Variants in MCM3 observed in about 807,000 individuals in gnomAD.
The protein encoded by MCM3 is minichromosome maintenance complex component 3, also known as DNA replication licensing factor MCM3.
A neutral mutation model predicts 91.3 loss-of-function variants in MCM3; 59 were observed. The ratio of observed to expected loss-of-function variants is 0.65; its 90% CI spans 0.52 to 0.80. The LOEUF (loss-of-function observed/expected upper bound fraction) is 0.80. MCM3 is among the 30% of genes least tolerant of loss of function. The probability of loss-of-function intolerance (pLI) is 0.00; values close to 1 mark genes in which losing one functional copy is unlikely to be tolerated. For missense variants in MCM3, 919 were observed against 1,035.4 expected (o/e 0.89, Z 1.54); for synonymous variants, 383 against 379.6 (o/e 1.01, Z -0.10).
At chr6:52,272,193 G>A (rs2294831) in intron 12 of MCM3, 108 bp downstream of exon 12, 90,476 of 1,228,132 alleles carry the variant, frequency 0.074, 3,905 homozygotes, top group East Asian at 0.17. Context: ...CTTCAGACCA[G>A]GAAAAAAGTC....
Position 52,264,397 on chromosome 6 carries a change from C to A in MCM3, c.*191G>T. 1.7e-6 allele frequency: 1 copy of A among 592,364 alleles called. No homozygotes were observed. Among genetic ancestry groups the A allele is most frequent in the Non-Finnish European group, 3.0e-6 (1 of 334,370 alleles). The allele number at this position is 592,364 out of a possible 1,614,324, so 36.7% of individuals were successfully genotyped here. A position where few individuals can be genotyped will look rare whatever the true frequency, so the allele number is the denominator to read the frequency against. ...CCCACTGTCTCCTCTTTCCTCACCC[C>A]ATGGCAGCTTTCATGACCCATTCCC... On this transcript the variant is annotated 3_prime_UTR_variant, in exon 17 of 17. Transcript: ENST00000596288.
chr6:52,275,809 TAAAAA>T, intron 9 of MCM3, among the ~76,000 whole-genome samples: 1 of 152,378 alleles, frequency 6.6e-6, no homozygotes, highest in East Asian at 1.9e-4. Context: ...ACAGTCATGG[TAAAAA>T]CAGAGATAAT....
intron 9 of MCM3, among the ~76,000 whole-genome samples, chr6:52,274,529 G>T (rs1765401329): frequency 6.6e-6 from 1 of 150,892 alleles, no homozygotes; most frequent in African/African-American, 2.4e-5. Flanking sequence ...AACTTAAAAA[G>T]AAAAAAAAAT....
chr6:52,282,237 C>G (rs1766169548), intron 3 of MCM3, 62 bp from the exon 4 acceptor site: 3 of 1,463,206 alleles, frequency 2.1e-6, no homozygotes, highest in Non-Finnish European at 2.9e-6. Flanking sequence ...AGGTGGAACC[C>G]AAACATATGC....
intron 14 of MCM3, among the ~76,000 whole-genome samples, chr6:52,266,927 T>A (rs527419826): frequency 1.3e-5 from 2 of 152,238 alleles, no homozygotes; most frequent in African/African-American, 2.4e-5. Flanking sequence ...TCACTCACCC[T>A]TATAAATTCA....
chr6:52,276,011 G>A (rs764090145), intron 9 of MCM3: 31 of 424,696 alleles, frequency 7.3e-5, no homozygotes, highest in Non-Finnish European at 1.1e-4. Context: ...TTTAATGGAC[G>A]GTTAAATATG....
intron 1 of MCM3, among the ~76,000 whole-genome samples, chr6:52,284,367 C>G (rs953789576): frequency 6.6e-6 from 1 of 152,192 alleles, no homozygotes. Flanking sequence ...TTTGCGCGCC[C>G]GGACCATCGC....
intron 12 of MCM3, among the ~76,000 whole-genome samples, chr6:52,271,282 T>C (rs1047010157): frequency 6.6e-6 from 1 of 152,064 alleles, no homozygotes; most frequent in African/African-American, 2.4e-5. Flanking sequence ...TGTAACATAA[T>C]AAGAGTTCTG....
chr6:52,279,240 G>A, intron 5 of MCM3, 121 bp downstream of exon 5: 1 of 793,838 alleles, frequency 1.3e-6, no homozygotes. Flanking sequence ...TGTCTCCCAG[G>A]CAGGTAGAGT....
rs758794994 is a variant in MCM3 at position 52,277,202 on chromosome 6, T to C, written c.1034-4A>G. On this transcript the variant is annotated splice_polypyrimidine_tract_variant and splice_region_variant and intron_variant, in intron 7 of 16. Coordinates refer to ENST00000596288, the MANE Select transcript of MCM3 (RefSeq NM_002388.6). ...GACTTGGCAACGGATGGGTCTCCTG[T>C]AGGGTGGGGGCAGTGATGACTCTCT... 2 of 1,611,948 alleles carry C rather than the reference T, an allele frequency of 1.2e-6. No homozygotes were observed. The highest frequency in any genetic ancestry group is 3.3e-5 in the Admixed American group (2 of 59,996).
chr6:52,267,096 C>CTTTTTTTTTTTT lies in MCM3; in HGVS notation c.2073-412_2073-401dup, dbSNP rs70977337. Among the ~76,000 whole-genome samples, 483 of 111,526 alleles carry CTTTTTTTTTTTT rather than the reference C, an allele frequency of 4.3e-3. 24 individuals are homozygous for CTTTTTTTTTTTT. Among genetic ancestry groups the CTTTTTTTTTTTT allele is most frequent in the African/African-American group, 8.4e-3 (248 of 29,700 alleles). The allele number at this position is 111,526 out of a possible 152,430, so 73.2% of individuals were successfully genotyped here. A position where few individuals can be genotyped will look rare whatever the true frequency, so the allele number is the denominator to read the frequency against. On this transcript the variant is annotated intron_variant, in intron 14 of 16. Transcript: ENST00000596288. ...CCTTCTCTTTTACCCAGGGTATCTT[C>CTTTTTTTTTTTT]TTTTTTTTTTTTTTTTGAGACGGAC...
At position 52,264,691 on chromosome 6, in the gene MCM3, TC is replaced by T; in HGVS notation, c.2323del (p.Asp775ThrfsTer15). ...MNRLTESINR[D>X]SEEPFSSVEI... ...AACTGAAGAGAAGGGCTCTTCGCTG[TC>T]CCGGTTGATGGATTCTGTGAGGCGA... On this transcript the variant is annotated frameshift_variant, in exon 17 of 17. Coordinates refer to ENST00000596288, the MANE Select transcript of MCM3 (RefSeq NM_002388.6). LOFTEE classifies it high-confidence loss of function. 1 of 1,614,176 alleles carries T rather than the reference TC, an allele frequency of 6.2e-7. No homozygotes were observed. Among genetic ancestry groups the T allele is most frequent in the Non-Finnish European group, 8.5e-7 (1 of 1,180,018 alleles).
intron 13 of MCM3, 150 bp from the exon 14 acceptor site, chr6:52,268,118 A>G: frequency 9.7e-7 from 1 of 1,027,764 alleles, no homozygotes; most frequent in Non-Finnish European, 1.5e-6. Flanking sequence ...AAGTCCCAGG[A>G]CCAGGGGCAG....
At chr6:52,280,722 A>C (rs1766016118) in intron 4 of MCM3, among the ~76,000 whole-genome samples, 1 of 152,244 alleles carries the variant, frequency 6.6e-6, no homozygotes, top group Admixed American at 6.5e-5. Flanking sequence ...AAAAAAGTGG[A>C]GATCTTAAGG....
chr6:52,267,340 C>T (rs1347708420), intron 14 of MCM3, among the ~76,000 whole-genome samples: 2 of 152,000 alleles, frequency 1.3e-5, no homozygotes, highest in African/African-American at 4.8e-5. Context: ...TCGTGATCCG[C>T]CTGCCTCGGC....
At position 52,264,565 on chromosome 6, in the gene MCM3, C is replaced by T; in HGVS notation, c.*23G>A. The T allele has an allele frequency of 6.2e-7, 1 of 1,613,448 alleles. No individual in the cohort carries two copies. The highest frequency in any genetic ancestry group is 8.5e-7 in the Non-Finnish European group (1 of 1,179,526). ...ACAGAACAAACTCTCTCGGCACAACCCAAGTTCAGAGACGAGGCCTCCTCA... is the reference window on the plus strand; with the variant it reads ...ACAGAACAAACTCTCTCGGCACAACTCAAGTTCAGAGACGAGGCCTCCTCA... On this transcript the variant is annotated 3_prime_UTR_variant, in exon 17 of 17. Coordinates refer to ENST00000596288, the MANE Select transcript of MCM3 (RefSeq NM_002388.6).
intron 4 of MCM3, 115 bp downstream of exon 4, chr6:52,281,930 C>T (rs1766133509): frequency 2.9e-6 from 3 of 1,048,162 alleles, no homozygotes; most frequent in Non-Finnish European, 4.0e-6. Flanking sequence ...TGGATTAATC[C>T]TTATTTTTCA....
rs181243640 is a variant in MCM3 at position 52,278,962 on chromosome 6, T to C, written c.771-112A>G. 5.4e-5 allele frequency: 36 copies of C among 668,788 alleles called. No individual in the cohort carries two copies. The Admixed American group carries it at 6.5e-4, about 12-fold the overall frequency. 41.4% of individuals were successfully genotyped at this position (668,788 alleles called of 1,614,324 possible). On this transcript the variant is annotated intron_variant, in intron 5 of 16. Coordinates refer to ENST00000596288, the MANE Select transcript of MCM3 (RefSeq NM_002388.6). ...AGGCTGCCAAACTAGACCAGCCAAT[T>C]AGAGTTGGTGGGGAGGGGGCAGGTA...
chr6:52,268,782 T>C (rs1325275308), intron 13 of MCM3, among the ~76,000 whole-genome samples: 1 of 151,826 alleles, frequency 6.6e-6, no homozygotes, highest in Non-Finnish European at 1.5e-5. Flanking sequence ...TTTTTTAAGA[T>C]GCAAAGGAAG....
Sources: gnomAD v4.1 joint callset for allele counts (sites outside exome capture counted in the v4.1 genomes callset) on GRCh38, gnomAD v4.1.1 for gene constraint, MANE v1.5 for transcripts, NCBI Gene and HGNC (gene_info 2026-07-23, HGNC 2026-07-21) for gene names.